The following GRID1 variants were observed in gnomAD, a reference collection of about 807,000 sequenced individuals.
GRID1 encodes the protein glutamate ionotropic receptor delta type subunit 1.
A neutral mutation model predicts 98.0 loss-of-function variants in GRID1; 28 were observed. That is an observed-to-expected ratio of 0.29 (90% CI 0.21 to 0.39). The LOEUF is 0.39. Ranked by LOEUF, GRID1 falls within the 10% of genes least tolerant of loss-of-function variation. The pLI is 1.00. For missense variants in GRID1, 1,111 were observed against 1,340.5 expected (o/e 0.83, Z 2.67); for synonymous variants, 553 against 538.5 (o/e 1.03, Z -0.37).
intron 4 of GRID1, among the ~76,000 whole-genome samples, chr10:86,031,982 C>G (rs74588030): frequency 0.042 from 6,452 of 152,224 alleles, 397 homozygotes; most frequent in African/African-American, 0.14. Context: ...GTCAGAGGGG[C>G]CTTCTCTCCC....
intron 3 of GRID1, among the ~76,000 whole-genome samples, chr10:86,165,774 G>A (rs1845389683): frequency 6.6e-6 from 1 of 152,104 alleles, no homozygotes; most frequent in Non-Finnish European, 1.5e-5. Flanking sequence ...GGTGCTCAGG[G>A]GAGGAAACCA....
intron 8 of GRID1, among the ~76,000 whole-genome samples, chr10:85,768,193 G>C (rs1452663206): frequency 3.3e-5 from 5 of 152,174 alleles, no homozygotes; most frequent in African/African-American, 1.2e-4. Context: ...TCAATAAATG[G>C]TGTTGGAATA....
chr10:85,919,961 G>C (rs1399608719), intron 4 of GRID1, among the ~76,000 whole-genome samples: 2 of 152,036 alleles, frequency 1.3e-5, no homozygotes, highest in African/African-American at 4.8e-5. Context: ...CCCCAATTCA[G>C]GCTGCCTGAA....
At chr10:85,894,836 C>T (rs1167312456) in intron 5 of GRID1, among the ~76,000 whole-genome samples, 2 of 151,140 alleles carry the variant, frequency 1.3e-5, no homozygotes, top group Admixed American at 6.6e-5. Flanking sequence ...GGTGAAACCC[C>T]GTCTCTACTA....
chr10:86,145,570 A>ACACACACACACACACACACACC (rs1564689403), intron 3 of GRID1, among the ~76,000 whole-genome samples: 3 of 150,282 alleles, frequency 2.0e-5, no homozygotes, highest in African/African-American at 7.4e-5. Flanking sequence ...ACACACACAC[A>ACACACACACACACACACACACC]CCCTCCCTCC....
intron 2 of GRID1, among the ~76,000 whole-genome samples, chr10:86,219,087 C>A (rs1846215643): frequency 6.6e-6 from 1 of 152,268 alleles, no homozygotes; most frequent in African/African-American, 2.4e-5. Context: ...ACCCACCTCA[C>A]TCCCTCTACA....
At chr10:85,847,821 T>C (rs895915027) in intron 8 of GRID1, among the ~76,000 whole-genome samples, 6 of 152,108 alleles carry the variant, frequency 3.9e-5, no homozygotes, top group Non-Finnish European at 5.9e-5. Context: ...TATAAGAAAA[T>C]GCAAATGAAT....
intron 2 of GRID1, among the ~76,000 whole-genome samples, chr10:86,268,170 G>A (rs947040117): frequency 3.9e-5 from 6 of 152,194 alleles, no homozygotes; most frequent in African/African-American, 1.4e-4. Context: ...CCACTGATGG[G>A]AGCTTTCAGG....
chr10:85,901,825 C>T (rs118048741), intron 5 of GRID1, among the ~76,000 whole-genome samples: 5,884 of 152,246 alleles, frequency 0.039, 161 homozygotes, highest in Middle Eastern at 0.092. Context: ...CTCCACAGGG[C>T]TTTTCAAAGG....
chr10:86,274,750 T>C (rs899151551), intron 2 of GRID1, among the ~76,000 whole-genome samples: 1 of 151,426 alleles, frequency 6.6e-6, no homozygotes, highest in South Asian at 2.1e-4. Context: ...GTGATTTTTG[T>C]ACATTGATTT....
intron 3 of GRID1, among the ~76,000 whole-genome samples, chr10:86,193,452 G>A (rs1482477043): frequency 6.6e-6 from 1 of 152,070 alleles, no homozygotes; most frequent in Non-Finnish European, 1.5e-5. Context: ...CTAGGCCTGA[G>A]GAAACCATGC....
chr10:85,736,941 T>C (rs1206593130), intron 8 of GRID1, among the ~76,000 whole-genome samples: 1 of 152,154 alleles, frequency 6.6e-6, no homozygotes, highest in Non-Finnish European at 1.5e-5. Flanking sequence ...AAGTAAGGTA[T>C]AACTTGAGAG....
In GRID1 at chr10:85,727,998, T is replaced by C. The variant is rs1454071071; in HGVS notation, c.1390A>G (p.Lys464Glu). 2 of 1,613,826 alleles carry C rather than the reference T, an allele frequency of 1.2e-6. No individual in the cohort carries two copies. Among genetic ancestry groups the C allele is most frequent in the African/African-American group, 2.7e-5 (2 of 74,922 alleles). The change falls in exon 10 of 16, where the codon AAA becomes GAA. Residue 464 changes from lysine (K) to glutamate (E), a missense_variant. Lys to Glu is a moderately conservative substitution (Grantham distance 56, BLOSUM62 1). This residue lies in a region of GRID1 where 762 missense variants were observed against 869.1 expected (regional missense o/e 0.88). Transcript: ENST00000327946. ...ENILGQPKRY[K>E]GFSIDVLDAL... ...TCCAGGACATCTATGGAGAACCCTT[T>C]GTAGCGCTTGGGCTGTCCTAGGATG...
intron 8 of GRID1, among the ~76,000 whole-genome samples, chr10:85,784,791 C>CT (rs1230543609): frequency 6.6e-6 from 1 of 152,188 alleles, no homozygotes; most frequent in Non-Finnish European, 1.5e-5. Flanking sequence ...TGTGCATGCT[C>CT]TATGTGAGCG....
intron 2 of GRID1, among the ~76,000 whole-genome samples, chr10:86,243,215 C>T (rs1846666554): frequency 6.6e-6 from 1 of 152,142 alleles, no homozygotes; most frequent in African/African-American, 2.4e-5. Flanking sequence ...AGGAAGAGGA[C>T]CTGCCAGTAG....
chr10:85,632,994 T>G (rs1187181889), intron 13 of GRID1, among the ~76,000 whole-genome samples: 1 of 152,208 alleles, frequency 6.6e-6, no homozygotes, highest in Non-Finnish European at 1.5e-5. Context: ...TCTGTTCCTG[T>G]GTTAGTTTGC....
intron 15 of GRID1, chr10:85,613,193 A>T: frequency 1.7e-6 from 1 of 602,968 alleles, no homozygotes; most frequent in Non-Finnish European, 2.9e-6. Context: ...GTACTGCAGC[A>T]CTTTGTTCAA....
At chr10:86,141,518 C>T (rs921704946) in intron 3 of GRID1, among the ~76,000 whole-genome samples, 1 of 152,218 alleles carries the variant, frequency 6.6e-6, no homozygotes, top group South Asian at 2.1e-4. Flanking sequence ...CAGCACCCAG[C>T]GGCCACCCAC....
intron 3 of GRID1, among the ~76,000 whole-genome samples, chr10:86,139,804 G>A (rs958460587): frequency 2.0e-5 from 3 of 152,198 alleles, no homozygotes; most frequent in African/African-American, 4.8e-5. Flanking sequence ...AGGGATGGAC[G>A]ATTCAACAAG....
Sources: gnomAD v4.1 joint callset for allele counts (sites outside exome capture counted in the v4.1 genomes callset) on GRCh38, gnomAD v4.1.1 for gene constraint, gnomAD v4.1.1 regional missense constraint, MANE v1.5 for transcripts, NCBI Gene and HGNC (gene_info 2026-07-23, HGNC 2026-07-21) for gene names.